TNFRSF10D: variants seen among roughly 807,000 people sequenced by gnomAD.
TNFRSF10D encodes tumor necrosis factor receptor superfamily member 10D.
A neutral mutation model predicts 42.1 loss-of-function variants in TNFRSF10D; 28 were observed. The ratio of observed to expected loss-of-function variants is 0.66; its 90% CI spans 0.49 to 0.91. The LOEUF is 0.91. Among genes scored for constraint, TNFRSF10D ranks in the 40% least tolerant of loss-of-function variants. TNFRSF10D has a pLI of 0.00. For synonymous variants in TNFRSF10D, 186 were observed against 189.4 expected (o/e 0.98, Z 0.15); for missense variants, 503 against 486.1 (o/e 1.03, Z -0.33).
At chr8:23,146,207 C>A (rs147955981) in intron 4 of TNFRSF10D, among the ~76,000 whole-genome samples, 940 of 152,230 alleles carry the variant, frequency 6.2e-3, no homozygotes, top group African/African-American at 0.019. Context: ...GGGAGGCCTG[C>A]GTTAGGAGGA....
chr8:23,147,557 T>A (rs1186570221), intron 3 of TNFRSF10D, among the ~76,000 whole-genome samples: 1 of 152,188 alleles, frequency 6.6e-6, no homozygotes, highest in East Asian at 1.9e-4. Flanking sequence ...CCAGGCCTCC[T>A]CTATGCTGTA....
intron 3 of TNFRSF10D, 124 bp downstream of exon 3, chr8:23,148,314 G>A: frequency 2.0e-6 from 1 of 506,242 alleles, no homozygotes; most frequent in Non-Finnish European, 3.6e-6. Context: ...CATAATCATG[G>A]AACAGGGCAT....
chr8:23,141,257 C>G (rs13266164), intron 7 of TNFRSF10D, among the ~76,000 whole-genome samples: 51,696 of 151,994 alleles, frequency 0.34, 9,081 homozygotes, highest in Middle Eastern at 0.43. Flanking sequence ...ATAATACCAG[C>G]ACTTTGAGAG....
chr8:23,140,586 G>T (rs1814446379), intron 7 of TNFRSF10D, among the ~76,000 whole-genome samples: 1 of 152,162 alleles, frequency 6.6e-6, no homozygotes, highest in African/African-American at 2.4e-5. Flanking sequence ...TCAATCTACA[G>T]ATTTAATACT....
rs1018775595 is a variant in TNFRSF10D at position 23,136,135 on chromosome 8, C to T, written c.*1735G>A. 3.3e-6 allele frequency: 1 copy of T among 307,310 alleles called. No homozygotes were observed. The highest frequency in any genetic ancestry group is 3.9e-5 in the Admixed American group (1 of 25,548). The allele number at this position is 307,310 out of a possible 1,614,324, so 19.0% of individuals were successfully genotyped here. On this transcript the variant is annotated 3_prime_UTR_variant, in exon 9 of 9. Transcript: ENST00000312584. The stretch of plus-strand genomic sequence containing the variant: ...CCTTGAGATGGAAAAGACTGAAACC[C>T]CTAGAATGACTATATCCGTAATTTA...
At chr8:23,161,336 G>A (rs73222561) in intron 1 of TNFRSF10D, among the ~76,000 whole-genome samples, 14,411 of 151,354 alleles carry the variant, frequency 0.095, 827 homozygotes, top group Middle Eastern at 0.17. Context: ...GGATCTTTTC[G>A]ATTCCTACTT....
chr8:23,154,798 A>G, intron 2 of TNFRSF10D, 76 bp downstream of exon 2: 1 of 1,444,880 alleles, frequency 6.9e-7, no homozygotes, highest in Non-Finnish European at 9.5e-7. Context: ...TCCAAACATC[A>G]TGGTGTACAC....
rs147074489 is a variant in TNFRSF10D, at chr8:23,144,126, C to T, written c.954+324G>A. Among the ~76,000 whole-genome samples, 369 of 152,364 alleles carry T rather than the reference C, an allele frequency of 2.4e-3. 3 individuals carry two copies. The highest frequency in any genetic ancestry group is 8.4e-3 in the African/African-American group (351 of 41,588). On this transcript the variant is annotated intron_variant, in intron 7 of 8. Coordinates refer to ENST00000312584, the MANE Select transcript of TNFRSF10D (RefSeq NM_003840.5). ...AAACTTCCGCTGTTTCAAGCAAGGG[C>T]TCCCTGACTTCTGTTAGGAGCACAC...
chr8:23,154,627 G>C (rs910625181), intron 2 of TNFRSF10D, among the ~76,000 whole-genome samples: 4 of 150,314 alleles, frequency 2.7e-5, no homozygotes, highest in Non-Finnish European at 5.9e-5. Context: ...GATGAGGATG[G>C]CTACAGAACC....
Position 23,135,701 on chromosome 8 carries a change from A to T in TNFRSF10D, c.*2169T>A, listed in dbSNP as rs371074387. The T allele has an allele frequency of 4.4e-3, 1,304 of 296,148 alleles. No homozygotes were observed. Among genetic ancestry groups the T allele is most frequent in the African/African-American group, 0.017 (779 of 45,590 alleles). 18.3% of individuals were successfully genotyped at this position (296,148 alleles called of 1,614,324 possible). ...TATAAAGCAAAACCTAAACAAATCAACCAACGCCAAAAAACCCCAACAATT... is the reference window on the plus strand; with the variant it reads ...TATAAAGCAAAACCTAAACAAATCATCCAACGCCAAAAAACCCCAACAATT... On this transcript the variant is annotated 3_prime_UTR_variant, in exon 9 of 9. Transcript: ENST00000312584.
chr8:23,147,066 G>GT lies in TNFRSF10D; in HGVS notation c.376dup (p.Thr126AsnfsTer3). On this transcript the variant is annotated frameshift_variant, in exon 4 of 9. Transcript: ENST00000312584. LOFTEE classifies it high-confidence loss of function. ...GGTCGTGGTACAGGAACTTTTATTT[G>GT]TTTGACCTGACAACAGAGCATAAGG... 3 of 1,613,398 alleles carry GT rather than the reference G, an allele frequency of 1.9e-6. No individual in the cohort carries two copies. The highest frequency in any genetic ancestry group is 2.5e-6 in the Non-Finnish European group (3 of 1,179,638).
At position 23,137,737 on chromosome 8, in the gene TNFRSF10D, G is replaced by T. The variant is rs1814359947; in HGVS notation, c.*133C>A. Reference sequence around the variant, plus strand: ...GCGTTAACAAAGTTCTAGGACCATTGGTAAGCTGCCCCATATTGGATAGTA... The same window carrying T: ...GCGTTAACAAAGTTCTAGGACCATTTGTAAGCTGCCCCATATTGGATAGTA... On this transcript the variant is annotated 3_prime_UTR_variant, in exon 9 of 9. Coordinates refer to ENST00000312584, the MANE Select transcript of TNFRSF10D (RefSeq NM_003840.5). 4 of 1,227,202 alleles carry T rather than the reference G, an allele frequency of 3.3e-6. No homozygotes were observed. The highest frequency in any genetic ancestry group is 2.3e-6 in the Non-Finnish European group (2 of 887,960). 76.0% of individuals were successfully genotyped at this position (1,227,202 alleles called of 1,614,324 possible).
Position 23,137,826 on chromosome 8 carries a change from G to C in TNFRSF10D, c.*44C>G. ...TTCCAGGCTGCTTCCCTTTGTAGGA[G>C]AAAAGGTAAATGAGGGAAGCTCTGG... On this transcript the variant is annotated 3_prime_UTR_variant, in exon 9 of 9. Transcript: ENST00000312584. The C allele has an allele frequency of 6.3e-7, 1 of 1,586,696 alleles. No homozygotes were observed. Among genetic ancestry groups the C allele is most frequent in the Non-Finnish European group, 8.6e-7 (1 of 1,168,944 alleles).
Position 23,148,476 on chromosome 8 carries a change from T to C in TNFRSF10D, c.332A>G (p.Asn111Ser), listed in dbSNP as rs777316749. The C allele has an allele frequency of 4.3e-6, 7 of 1,610,230 alleles. No homozygotes were observed. The East Asian group carries it at 6.7e-5, about 15-fold the overall frequency. ...TGTACATAGCAGGCAAGAAGGCAAA[T>C]TGTTGGAAGCAATGGTGTAATCCAC... ...EGVDYTIASN[N>S]LPSCLLCTVC... Residue 111 changes from asparagine to serine, a missense_variant, in exon 3 of 9, where the codon AAT (asparagine) becomes AGT (serine). Transcript: ENST00000312584.
At chr8:23,144,925 C>T in intron 6 of TNFRSF10D, 133 bp downstream of exon 6, 1 of 1,376,750 alleles carries the variant, frequency 7.3e-7, no homozygotes, top group African/African-American at 1.4e-5. Flanking sequence ...ACAGTCAGCC[C>T]AGATCCCCCA....
At position 23,135,711 on chromosome 8, in the gene TNFRSF10D, A is replaced by C; in HGVS notation, c.*2159T>G. On this transcript the variant is annotated 3_prime_UTR_variant, in exon 9 of 9. Coordinates refer to ENST00000312584, the MANE Select transcript of TNFRSF10D (RefSeq NM_003840.5). ...AACCTAAACAAATCAACCAACGCCA[A>C]AAAACCCCAACAATTTCATGTTGTC... is the stretch of plus-strand genomic sequence containing the variant. The C allele has an allele frequency of 3.4e-6, 1 of 295,758 alleles. No individual in the cohort carries two copies. The highest frequency in any genetic ancestry group is 6.7e-6 in the Non-Finnish European group (1 of 148,616). 18.3% of individuals were successfully genotyped at this position (295,758 alleles called of 1,614,324 possible).
chr8:23,148,926 C>T (rs959010612), intron 2 of TNFRSF10D, among the ~76,000 whole-genome samples: 12 of 151,272 alleles, frequency 7.9e-5, no homozygotes, highest in Non-Finnish European at 1.8e-4. Flanking sequence ...CACGGTGGCT[C>T]ACGCCTGTAA....
At chr8:23,144,217 A>C (rs1396273741) in intron 7 of TNFRSF10D, among the ~76,000 whole-genome samples, 2 of 152,202 alleles carry the variant, frequency 1.3e-5, no homozygotes, top group African/African-American at 4.8e-5. Context: ...ATGCCTGTGG[A>C]GATCCAGGCT....
At chr8:23,149,546 C>T (rs931350926) in intron 2 of TNFRSF10D, among the ~76,000 whole-genome samples, 76 of 143,084 alleles carry the variant, frequency 5.3e-4, no homozygotes, top group African/African-American at 1.9e-3. Flanking sequence ...GCCCAGTCTA[C>T]TTTTTTTTTT....
Sources: gnomAD v4.1 joint callset for allele counts (sites outside exome capture counted in the v4.1 genomes callset) on GRCh38, gnomAD v4.1.1 for gene constraint, MANE v1.5 for transcripts, NCBI Gene and HGNC (gene_info 2026-07-23, HGNC 2026-07-21) for gene names.